The following MKI67 variants were observed in gnomAD, a reference collection of about 807,000 sequenced individuals.
The protein encoded by MKI67 is marker of proliferation Ki-67, also known as proliferation marker protein Ki-67.
In MKI67, 152 loss-of-function variants were observed where a neutral mutation model predicts 233.5. That is an observed-to-expected ratio of 0.65 (90% confidence interval 0.57 to 0.74). The LOEUF is 0.74. Ranked by LOEUF, MKI67 falls within the 30% of genes least tolerant of loss-of-function variation. MKI67 has a pLI of 0.00. For synonymous variants in MKI67, 1,465 were observed against 1,418.5 expected, an observed-to-expected ratio of 1.03 and a Z score of -0.74; for missense variants, 3,940 against 3,885.2, an observed-to-expected ratio of 1.01 and a Z score of -0.37.
chr10:128,107,415 C>G lies in MKI67; in HGVS notation c.4425G>C (p.Gln1475His). ...EDLAGLKELF[Q>H]TPVCTDKPTT... ...TGGGCTTGTCAGTGCATACTGGTGT[C>G]TGGAAGAGCTCTTTCAAGCCAGCCA... Residue 1475 changes from glutamine to histidine, a missense_variant, in exon 13 of 15, where the codon CAG (glutamine) becomes CAC (histidine). Gln to His is a conservative substitution (Grantham distance 24). Transcript: ENST00000368654. The G allele has an allele frequency of 1.2e-6, 2 of 1,613,884 alleles. No homozygotes were observed. The highest frequency in any genetic ancestry group is 1.7e-6 in the Non-Finnish European group (2 of 1,179,992).
rs775429518 is a variant in MKI67, at chr10:128,105,868, G to C, written c.5972C>G (p.Thr1991Ser). 5.0e-6 allele frequency: 8 copies of C among 1,613,874 alleles called. No individual in the cohort carries two copies. The African/African-American group carries it at 9.4e-5, about 19-fold the overall frequency. The change falls in exon 13 of 15, where the codon ACC (threonine) becomes AGC (serine). Residue 1991 changes from threonine (T) to serine (S), a missense_variant. Coordinates refer to ENST00000368654, the MANE Select transcript of MKI67 (RefSeq NM_002417.5). ...GAGTCGTTGCTTGGAGCTTGTTGGG[G>C]TTTTGACTGGGTCTGGTTGTGGAGA... ...CKSPQPDPVK[T>S]PTSSKQRLKI...
In MKI67 at chr10:128,104,585, C is replaced by A. The variant is rs1422866522; in HGVS notation, c.7255G>T (p.Gly2419Cys). The A allele has an allele frequency of 6.2e-7, 1 of 1,613,916 alleles. No individual in the cohort carries two copies. The highest frequency in any genetic ancestry group is 1.7e-5 in the Admixed American group (1 of 59,978). ...QKLDLLGNLP[G>C]SKRQPQTPKE... ...GGAGTCTGTGGCTGTCTCTTGCTGC[C>A]AGGTAAATTTCCTAGCAGGTCCAGT... Residue 2419 changes from glycine to cysteine, a missense_variant, in exon 13 of 15, where the codon GGC (glycine) becomes TGC (cysteine). Transcript: ENST00000368654.
In MKI67 at chr10:128,107,859, G is replaced by T. The variant is rs372257974; in HGVS notation, c.3981C>A (p.Thr1327=). The T allele has an allele frequency of 6.0e-5, 97 of 1,611,222 alleles. 1 individual carries two copies. The highest frequency in any genetic ancestry group is 8.1e-5 in the Non-Finnish European group (95 of 1,179,240). The change falls in exon 13 of 15, where the codon ACC becomes ACA. Residue 1327 remains threonine, a synonymous_variant. Coordinates refer to ENST00000368654, the MANE Select transcript of MKI67 (RefSeq NM_002417.5). ...VQKLDLTENL[T]GSKRRPQTPK... Reference sequence around the variant, plus strand: ...GAGTTTGTGGCCGTCTCTTGCTGCCGGTTAAGTTCTCTGTCAGGTCCAGTT... The same window carrying T: ...GAGTTTGTGGCCGTCTCTTGCTGCCTGTTAAGTTCTCTGTCAGGTCCAGTT...
Position 128,104,791 on chromosome 10 carries a change from A to C in MKI67, c.7049T>G (p.Val2350Gly), listed in dbSNP as rs1243644398. Residue 2350 changes from valine (V) to glycine (G), a missense_variant, in exon 13 of 15, where the codon GTG (valine) becomes GGG (glycine). Coordinates refer to ENST00000368654, the MANE Select transcript of MKI67 (RefSeq NM_002417.5). ...TTGCTTTGTGCTTGCTGGGGTGTCCACTGGGTCTGGTTGTGGAGATTTGCA... is the reference window on the plus strand; with the variant it reads ...TTGCTTTGTGCTTGCTGGGGTGTCCCCTGGGTCTGGTTGTGGAGATTTGCA... ...IACKSPQPDP[V>G]DTPASTKQRP... 1 of 1,612,548 alleles carries C rather than the reference A, an allele frequency of 6.2e-7. No homozygotes were observed. The highest frequency in any genetic ancestry group is 2.2e-5 in the East Asian group (1 of 44,776).
At position 128,105,024 on chromosome 10, in the gene MKI67, T is replaced by G. The variant is rs147749119; in HGVS notation, c.6816A>C (p.Ala2272=). 1,055 of 1,613,768 alleles carry G rather than the reference T, an allele frequency of 6.5e-4. 1 individual carries two copies. The highest frequency in any genetic ancestry group is 1.5e-3 in the Admixed American group (87 of 59,982). ...VGKAMDTPKP[A]GGDEKDMKAF... is the part of the protein sequence containing the mutation. ...CTTTCATGTCTTTCTCATCACCTCC[T>G]GCTGGTTTGGGTGTGTCCATAGCTT... The change falls in exon 13 of 15, where the codon GCA becomes GCC. Residue 2272 remains alanine (A), a synonymous_variant. Coordinates refer to ENST00000368654, the MANE Select transcript of MKI67 (RefSeq NM_002417.5).
At position 128,116,542 on chromosome 10, in the gene MKI67, A is replaced by C. The variant is rs1565013212; in HGVS notation, c.355-6T>G. 1.2e-6 allele frequency: 2 copies of C among 1,613,140 alleles called. No homozygotes were observed. Among genetic ancestry groups the C allele is most frequent in the African/African-American group, 1.3e-5 (1 of 75,046 alleles). On this transcript the variant is annotated splice_region_variant and splice_polypyrimidine_tract_variant and intron_variant, in intron 5 of 14. Transcript: ENST00000368654. ...GAGACACGACGTGCTGGCTCCTGTA[A>C]GTTGGGAAAATAAGAACAGTTATTT...
rs567704902 is a variant in MKI67 at position 128,115,510 on chromosome 10, C to A, written c.898G>T (p.Gly300Cys). Residue 300 changes from glycine to cysteine, a missense_variant, in exon 7 of 15, where the codon GGC becomes TGC. Physicochemically the swap from Gly to Cys is radical, Grantham distance 159. Transcript: ENST00000368654. ...RKSRPKSGGS[G>C]HAVAEPASPE... ...GAAGCAGGCTCTGCCACAGCGTGGC[C>A]GCTCCCACCAGATTTTGGTCTTGAC... is the stretch of plus-strand genomic sequence containing the variant. The A allele has an allele frequency of 1.2e-6, 2 of 1,614,172 alleles. No individual in the cohort carries two copies. Among genetic ancestry groups the A allele is most frequent in the Non-Finnish European group, 1.7e-6 (2 of 1,180,040 alleles).
In MKI67 at chr10:128,113,618, C is replaced by G. The variant is rs771653333; in HGVS notation, c.1481-16G>C. On this transcript the variant is annotated splice_polypyrimidine_tract_variant and intron_variant, in intron 7 of 14. Coordinates refer to ENST00000368654, the MANE Select transcript of MKI67 (RefSeq NM_002417.5). The stretch of plus-strand genomic sequence containing the variant: ...TCACTCTCATCTAAAGTAACGGATA[C>G]AAATGTGGAAAGAGCAATGAAAAAA... The G allele has an allele frequency of 5.6e-6, 9 of 1,608,688 alleles. No individual in the cohort carries two copies. Among genetic ancestry groups the G allele is most frequent in the Non-Finnish European group, 7.7e-6 (9 of 1,176,124 alleles).
chr10:128,125,432 G>A lies in MKI67; in HGVS notation c.92+144C>T. ...TTACAAAACAAAAAAACACAACTAT[G>A]TCAACTTAGTAACGAATGGGAGAAG... is the stretch of plus-strand genomic sequence containing the variant. On this transcript the variant is annotated intron_variant, in intron 2 of 14. Coordinates refer to ENST00000368654, the MANE Select transcript of MKI67 (RefSeq NM_002417.5). This position sits in a 1 kb window ranked among gnomAD's most constrained non-coding sequence, Gnocchi z 5.3. The A allele has an allele frequency of 1.4e-6, 1 of 710,080 alleles. No individual in the cohort carries two copies. Among genetic ancestry groups the A allele is most frequent in the Non-Finnish European group, 2.5e-6 (1 of 398,418 alleles). The allele number at this position is 710,080 out of a possible 1,614,324, so 44.0% of individuals were successfully genotyped here.
rs376446129 is a variant in MKI67, at chr10:128,107,344, T to C, written c.4496A>G (p.Asp1499Gly). The C allele has an allele frequency of 2.6e-5, 42 of 1,613,840 alleles. No homozygotes were observed. Among genetic ancestry groups the C allele is most frequent in the South Asian group, 1.2e-4 (11 of 91,074 alleles). The change falls in exon 13 of 15, where the codon GAC becomes GGC. Residue 1499 changes from aspartate to glycine, a missense_variant. Asp to Gly is a moderately conservative substitution (Grantham distance 94). Transcript: ENST00000368654. ...GGAGCTTGTTGGTGTGTCCACTGGG[T>C]CTGGTTGTGATCTGCAGGCTATTTT... The part of the protein sequence containing the change: ...TTKIACRSQP[D>G]PVDTPTSSKP...
At position 128,107,219 on chromosome 10, in the gene MKI67, G is replaced by C. The variant is rs1411243867; in HGVS notation, c.4621C>G (p.Pro1541Ala). Residue 1541 changes from proline to alanine, a missense_variant, in exon 13 of 15, where the codon CCC (proline) becomes GCC (alanine). Coordinates refer to ENST00000368654, the MANE Select transcript of MKI67 (RefSeq NM_002417.5). Reference protein sequence around the residue: ...TPSAGKAMHTPKPAVSGEKNI... With the variant: ...TPSAGKAMHTAKPAVSGEKNI... ...TTCTCACCACTTACTGCTGGTTTGGGTGTGTGCATGGCTTTGCCTGCTGAT... is the reference window on the plus strand; with the variant it reads ...TTCTCACCACTTACTGCTGGTTTGGCTGTGTGCATGGCTTTGCCTGCTGAT... 1.2e-6 allele frequency: 2 copies of C among 1,614,166 alleles called. No homozygotes were observed. Among genetic ancestry groups the C allele is most frequent in the South Asian group, 2.2e-5 (2 of 91,084 alleles).
chr10:128,111,922 C>T lies in MKI67; in HGVS notation c.2088+5G>A. On this transcript the variant is annotated splice_donor_5th_base_variant and intron_variant, in intron 10 of 14. Transcript: ENST00000368654. ...TGTAAAGCAGCCATTCAGTGAGGCC[C>T]CTACCTTTGGAGTAGCAGGTCTTCT... The T allele has an allele frequency of 6.2e-7, 1 of 1,609,638 alleles. No individual in the cohort carries two copies. The highest frequency in any genetic ancestry group is 1.1e-5 in the South Asian group (1 of 90,078).
In MKI67 at chr10:128,106,744, G is replaced by A. The variant is rs765859645; in HGVS notation, c.5096C>T (p.Thr1699Ile). 8 of 1,613,978 alleles carry A rather than the reference G, an allele frequency of 5.0e-6. No individual in the cohort carries two copies. The highest frequency in any genetic ancestry group is 3.3e-5 in the Admixed American group (2 of 59,986). ...AGGGACTTCAGACTTTCCCTTAGGA[G>A]TTCTCAGCTGCCTCTTGCTGCCAGT... ...SLTGSKRQLR[T>I]PKGKSEVPED... The change falls in exon 13 of 15, where the codon ACT becomes ATT. Residue 1699 changes from threonine to isoleucine, a missense_variant. Transcript: ENST00000368654.
At chr10:128,121,574 A>G (rs1485613823) in intron 4 of MKI67, among the ~76,000 whole-genome samples, 1 of 111,900 alleles carries the variant, frequency 8.9e-6, no homozygotes, top group Non-Finnish European at 1.8e-5. Flanking sequence ...ATATATTATA[A>G]TTATATATTA....
Position 128,107,602 on chromosome 10 carries a change from G to T in MKI67, c.4238C>A (p.Thr1413Lys). ...ATCTGTGTGTGTGGTTTCCCCTGAT[G>T]TCTGTGTGAGCTTCTTCAGGGCTGA... The part of the protein sequence containing the change: ...ELSALKKLTQ[T>K]SGETTHTDKV... Residue 1413 changes from threonine (T) to lysine (K), a missense_variant, in exon 13 of 15, where the codon ACA (threonine) becomes AAA (lysine). Coordinates refer to ENST00000368654, the MANE Select transcript of MKI67 (RefSeq NM_002417.5). The T allele has an allele frequency of 1.2e-6, 2 of 1,614,130 alleles. No homozygotes were observed. Among genetic ancestry groups the T allele is most frequent in the Non-Finnish European group, 1.7e-6 (2 of 1,180,032 alleles).
chr10:128,107,361 G>A lies in MKI67; in HGVS notation c.4479C>T (p.Ala1493=). Residue 1493 remains alanine, a synonymous_variant, in exon 13 of 15, where the codon GCC becomes GCT. Transcript: ENST00000368654. Reference sequence around the variant, plus strand: ...CCACTGGGTCTGGTTGTGATCTGCAGGCTATTTTGGTAGTTTTCTCGTGAG... The same window carrying A: ...CCACTGGGTCTGGTTGTGATCTGCAAGCTATTTTGGTAGTTTTCTCGTGAG... ...PTTHEKTTKI[A]CRSQPDPVDT... is the part of the protein sequence containing the mutation. 1 of 1,613,768 alleles carries A rather than the reference G, an allele frequency of 6.2e-7. No homozygotes were observed.
chr10:128,113,387 A>C (rs1191618773), intron 8 of MKI67, 40 bp downstream of exon 8: 6 of 1,604,182 alleles, frequency 3.7e-6, no homozygotes, highest in Non-Finnish European at 5.1e-6. Flanking sequence ...CCGGTGTGTG[A>C]GCCACTGGGC....
In MKI67 at chr10:128,105,609, G is replaced by A. The variant is rs140961642; in HGVS notation, c.6231C>T (p.Ala2077=). 4.8e-5 allele frequency: 77 copies of A among 1,611,102 alleles called. No homozygotes were observed. The highest frequency in any genetic ancestry group is 6.6e-5 in the South Asian group (6 of 90,910). Residue 2077 remains alanine, a synonymous_variant, in exon 13 of 15, where the codon GCC becomes GCT. Coordinates refer to ENST00000368654, the MANE Select transcript of MKI67 (RefSeq NM_002417.5). The stretch of plus-strand genomic sequence containing the variant: ...GTGTCTGGAAGAGCTCTTTGAAGCC[G>A]GCCAGGTCTTCTAGTGATTGGGCCT... ...KEEAQSLEDL[A]GFKELFQTPD... is the part of the protein sequence containing the mutation.
In MKI67 at chr10:128,108,536, G is replaced by T; in HGVS notation, c.3304C>A (p.Leu1102Met). 6.2e-7 allele frequency: 1 copy of T among 1,614,210 alleles called. No homozygotes were observed. The highest frequency in any genetic ancestry group is 8.5e-7 in the Non-Finnish European group (1 of 1,180,044). The stretch of plus-strand genomic sequence containing the variant: ...TGGAAGAGCTCTTTGAAGCCAGCCA[G>T]GTCTTCTAGTGACTGGGCCTCTTCC... ...PKEEAQSLED[L>M]AGFKELFQTP... The change falls in exon 13 of 15, where the codon CTG (leucine) becomes ATG (methionine). Residue 1102 changes from leucine (L) to methionine (M), a missense_variant. Transcript: ENST00000368654.
Sources: gnomAD v4.1 joint callset for allele counts (sites outside exome capture counted in the v4.1 genomes callset) on GRCh38, gnomAD v4.1.1 for gene constraint, Gnocchi (gnomAD v3.1) non-coding constraint, MANE v1.5 for transcripts, NCBI Gene and HGNC (gene_info 2026-07-23, HGNC 2026-07-21) for gene names.